Variants in ATP6V0A2 observed in about 807,000 individuals in gnomAD.
ATP6V0A2 encodes V-type proton ATPase 116 kDa subunit a 2.
Under a neutral mutation model 104.4 loss-of-function variants are expected in ATP6V0A2, and 58 were observed. The ratio of observed to expected loss-of-function variants is 0.56; its 90% CI spans 0.45 to 0.69. ATP6V0A2 has a LOEUF of 0.69. ATP6V0A2 is among the 30% of genes least tolerant of loss of function. The pLI, the probability that ATP6V0A2 is intolerant of heterozygous loss-of-function variation, is 0.00. For synonymous variants in ATP6V0A2, 376 were observed against 397.9 expected (o/e 0.95, Z 0.65); for missense variants, 938 against 1,062.9 (o/e 0.88, Z 1.63).
At chr12:123,733,840 T>C (rs1956526948) in intron 6 of ATP6V0A2, 86 bp from the exon 7 acceptor site, 4 of 920,260 alleles carry the variant, frequency 4.3e-6, no homozygotes, top group Admixed American at 1.7e-5. Context: ...AGTGAATGAA[T>C]GAACGCTTTG....
intron 5 of ATP6V0A2, 25 bp from the exon 6 acceptor site, chr12:123,727,758 A>T: frequency 4.3e-6 from 7 of 1,613,806 alleles, no homozygotes; most frequent in Non-Finnish European, 5.9e-6. Context: ...TCAGTTGACT[A>T]CAGGTTGACT....
chr12:123,725,186 G>A (rs1009083804), intron 4 of ATP6V0A2, among the ~76,000 whole-genome samples: 4 of 152,018 alleles, frequency 2.6e-5, no homozygotes, highest in Non-Finnish European at 4.4e-5. Flanking sequence ...CACCTTCCTC[G>A]GCCTTCCAAA....
At chr12:123,719,971 T>G (rs1956383082) in intron 2 of ATP6V0A2, among the ~76,000 whole-genome samples, 1 of 152,176 alleles carries the variant, frequency 6.6e-6, no homozygotes, top group East Asian at 1.9e-4. Flanking sequence ...CCCCTCATTT[T>G]GTAAGTTCAG....
chr12:123,731,412 G>A (rs887283157), intron 6 of ATP6V0A2: 6 of 152,216 alleles, frequency 3.9e-5, no homozygotes, highest in African/African-American at 1.4e-4. Context: ...TCTAAGTGCT[G>A]ACCATTCTCT....
chr12:123,751,862 C>CTTTTTTT (rs34862238), intron 16 of ATP6V0A2, among the ~76,000 whole-genome samples: 1 of 123,456 alleles, frequency 8.1e-6, no homozygotes, highest in Non-Finnish European at 1.6e-5. Flanking sequence ...TTCTTTCTTT[C>CTTTTTTT]TTTTTTTTTT....
At chr12:123,723,317 T>C (rs1274129022) in intron 3 of ATP6V0A2, 2 of 152,176 alleles carry the variant, frequency 1.3e-5, no homozygotes, top group African/African-American at 4.8e-5. Flanking sequence ...AAGTAATGAA[T>C]ATAGTATATT....
intron 6 of ATP6V0A2, 90 bp downstream of exon 6, chr12:123,727,999 T>C: frequency 6.4e-7 from 1 of 1,560,212 alleles, no homozygotes; most frequent in Non-Finnish European, 8.8e-7. Flanking sequence ...TCCTGAACCA[T>C]TTGATAATAA....
At chr12:123,757,785 T>C (rs1956778543) in intron 19 of ATP6V0A2, 142 bp from the exon 20 acceptor site, 2 of 638,960 alleles carry the variant, frequency 3.1e-6, no homozygotes, top group Admixed American at 2.9e-5. Context: ...AGTGTTTAGC[T>C]AAGTAAAAAT....
rs1956671910 is a variant in ATP6V0A2, at chr12:123,747,339, A to G, written c.1606-268A>G. Among the ~76,000 whole-genome samples the G allele has an allele frequency of 2.0e-5, 3 of 152,286 alleles. No homozygotes were observed. The South Asian group carries it at 6.2e-4, about 32-fold the overall frequency. On this transcript the variant is annotated intron_variant, in intron 13 of 19. Transcript: ENST00000330342. Reference sequence around the variant, plus strand: ...CTCTCCCTTGCCTTGCCTTTTGTCAAGACTTCCTAGGCACATCTCCCTAAA... The same window carrying G: ...CTCTCCCTTGCCTTGCCTTTTGTCAGGACTTCCTAGGCACATCTCCCTAAA...
chr12:123,738,828 G>A (rs1037212482), intron 9 of ATP6V0A2: 12 of 152,072 alleles, frequency 7.9e-5, no homozygotes, highest in Non-Finnish European at 1.6e-4. Flanking sequence ...TGAGTTTTTT[G>A]GTTATGTAAC....
chr12:123,719,730 T>G (rs111291425), intron 2 of ATP6V0A2, among the ~76,000 whole-genome samples: 3,081 of 152,060 alleles, frequency 0.02, 46 homozygotes, highest in African/African-American at 0.034. Flanking sequence ...AGCCCTTATC[T>G]AGGTGCCCCA....
intron 8 of ATP6V0A2, among the ~76,000 whole-genome samples, chr12:123,735,979 T>C (rs1162404165): frequency 1.3e-5 from 2 of 152,002 alleles, no homozygotes; most frequent in African/African-American, 2.4e-5. Flanking sequence ...TTCAAGCGAT[T>C]CTCCTGCCTC....
At chr12:123,715,558 C>T (rs1956331572) in intron 1 of ATP6V0A2, among the ~76,000 whole-genome samples, 1 of 152,154 alleles carries the variant, frequency 6.6e-6, no homozygotes, top group African/African-American at 2.4e-5. Context: ...GTGCCCAGTA[C>T]AAATCCTGGA....
intron 6 of ATP6V0A2, chr12:123,732,204 C>CT (rs1956507715): frequency 6.6e-6 from 1 of 152,598 alleles, no homozygotes; most frequent in Admixed American, 6.5e-5. Flanking sequence ...TTGCGTCTCA[C>CT]TTAAATCCCT....
Position 123,718,744 on chromosome 12 carries a change from A to G in ATP6V0A2, c.196+43A>G, listed in dbSNP as rs760764281. The G allele has an allele frequency of 1.4e-5, 19 of 1,388,540 alleles. No individual in the cohort carries two copies. In the East Asian group the frequency reaches 3.2e-4, roughly 23 times the overall value. 86.0% of individuals were successfully genotyped at this position (1,388,540 alleles called of 1,614,324 possible). A position where few individuals can be genotyped will look rare whatever the true frequency, so the allele number is the denominator to read the frequency against. On this transcript the variant is annotated intron_variant, in intron 2 of 19. Coordinates refer to ENST00000330342, the MANE Select transcript of ATP6V0A2 (RefSeq NM_012463.4). ...TTTAACAACTTAAATAATTACCTTT[A>G]TATAGGCAAACCTTGTTCGGTTTAA...
At chr12:123,750,443 T>TC in intron 15 of ATP6V0A2, 1 of 155,628 alleles carries the variant, frequency 6.4e-6, no homozygotes, top group Admixed American at 6.2e-5. Context: ...TACAGCTTTG[T>TC]GCCTGAGTAG....
At chr12:123,717,293 C>T (rs1956351436) in intron 1 of ATP6V0A2, among the ~76,000 whole-genome samples, 1 of 116,426 alleles carries the variant, frequency 8.6e-6, no homozygotes, top group Admixed American at 1.2e-4. Context: ...CCAGCCTGGG[C>T]AACAGAGCGA....
intron 9 of ATP6V0A2, 58 bp from the exon 10 acceptor site, chr12:123,743,727 T>C: frequency 1.9e-6 from 3 of 1,596,838 alleles, no homozygotes; most frequent in Non-Finnish European, 2.6e-6. Context: ...TCGTTGAATA[T>C]GGATAGTTAT....
chr12:123,728,395 CTTTTT>C (rs34247373), intron 6 of ATP6V0A2, among the ~76,000 whole-genome samples: 3 of 124,506 alleles, frequency 2.4e-5, no homozygotes, highest in Non-Finnish European at 4.9e-5. Context: ...CCTCACCTGG[CTTTTT>C]TTTTTTTTTT....
Sources: gnomAD v4.1 joint callset for allele counts (sites outside exome capture counted in the v4.1 genomes callset) on GRCh38, gnomAD v4.1.1 for gene constraint, MANE v1.5 for transcripts, NCBI Gene and HGNC (gene_info 2026-07-23, HGNC 2026-07-21) for gene names.